NAALADL2: variants seen among roughly 807,000 people sequenced by gnomAD.
The protein encoded by NAALADL2 is inactive N-acetylated-alpha-linked acidic dipeptidase-like protein 2.
Under a neutral mutation model 87.2 loss-of-function variants are expected in NAALADL2, and 76 were observed. The observed-to-expected ratio is 0.87, with a 90% CI of 0.72 to 1.05. The LOEUF is 1.05. Among genes scored for constraint, NAALADL2 ranks in the 50% least tolerant of loss-of-function variants. The probability of loss-of-function intolerance (pLI) is 0.00; values close to 1 mark genes in which losing one functional copy is unlikely to be tolerated. For missense variants in NAALADL2, 1,089 were observed against 945.8 expected (o/e 1.15, Z -1.99); for synonymous variants, 354 against 331.0 (o/e 1.07, Z -0.75).
intron 1 of NAALADL2, among the ~76,000 whole-genome samples, chr3:174,505,721 A>G (rs1336027483): frequency 6.6e-6 from 1 of 152,222 alleles, no homozygotes; most frequent in Non-Finnish European, 1.5e-5. Flanking sequence ...TTAAAAAATC[A>G]TCATAGATTG....
At chr3:174,456,411 CAAAAAAAAAAAA>C (rs59833697) in intron 1 of NAALADL2, among the ~76,000 whole-genome samples, 1 of 56,396 alleles carries the variant, frequency 1.8e-5, no homozygotes, top group Non-Finnish European at 3.3e-5. Flanking sequence ...CAATCCTAAG[CAAAAAAAAAAAA>C]AAAAAAAAAA....
chr3:175,215,099 A>G (rs372164401), intron 2 of NAALADL2, among the ~76,000 whole-genome samples: 2 of 152,116 alleles, frequency 1.3e-5, no homozygotes, highest in African/African-American at 4.8e-5. Flanking sequence ...TAAAATCACC[A>G]TAACAACTTC....
intron 13 of NAALADL2, among the ~76,000 whole-genome samples, chr3:175,786,169 A>AT (rs1427580037): frequency 6.6e-6 from 1 of 151,544 alleles, no homozygotes; most frequent in Non-Finnish European, 1.5e-5. Context: ...GAATCTGACA[A>AT]TTATGTGTCT....
At chr3:175,414,655 T>A (rs1324959268) in intron 5 of NAALADL2, among the ~76,000 whole-genome samples, 1 of 152,214 alleles carries the variant, frequency 6.6e-6, no homozygotes, top group Non-Finnish European at 1.5e-5. Context: ...ATTCAAAAAG[T>A]GACTTTGAAA....
At chr3:174,621,522 T>G (rs1396557760) in intron 2 of NAALADL2, among the ~76,000 whole-genome samples, 2 of 152,078 alleles carry the variant, frequency 1.3e-5, no homozygotes, top group East Asian at 3.9e-4. Context: ...ATACATGAAA[T>G]AAATGATGAC....
At chr3:175,055,792 A>C (rs1285434203) in intron 1 of NAALADL2, among the ~76,000 whole-genome samples, 1 of 152,146 alleles carries the variant, frequency 6.6e-6, no homozygotes, top group Non-Finnish European at 1.5e-5. Flanking sequence ...CAGTTAAAAC[A>C]AGCTCCAGGA....
chr3:175,769,871 T>C (rs1323479673), intron 13 of NAALADL2, among the ~76,000 whole-genome samples: 1 of 152,306 alleles, frequency 6.6e-6, no homozygotes, highest in African/African-American at 2.4e-5. Flanking sequence ...TGTTATAGTC[T>C]TGACTCCAAT....
chr3:174,590,300 T>C (rs1717221881), intron 2 of NAALADL2, among the ~76,000 whole-genome samples: 1 of 152,136 alleles, frequency 6.6e-6, no homozygotes, highest in Non-Finnish European at 1.5e-5. Flanking sequence ...CATATAGAAG[T>C]ACATAGCTAT....
intron 13 of NAALADL2, among the ~76,000 whole-genome samples, chr3:175,772,591 GAC>G (rs1749649151): frequency 1.3e-5 from 2 of 152,092 alleles, no homozygotes; most frequent in Non-Finnish European, 2.9e-5. Flanking sequence ...ACTCATCAGA[GAC>G]ACCAGCGCGA....
At chr3:174,889,631 T>A (rs1560328741) in intron 1 of NAALADL2, among the ~76,000 whole-genome samples, 2 of 149,496 alleles carry the variant, frequency 1.3e-5, no homozygotes, top group African/African-American at 4.9e-5. Context: ...TATCGTATAA[T>A]CCAAGCACTA....
intron 1 of NAALADL2, among the ~76,000 whole-genome samples, chr3:174,903,912 T>C (rs1036285824): frequency 7.9e-5 from 12 of 151,798 alleles, no homozygotes; most frequent in African/African-American, 2.4e-4. Flanking sequence ...TAAAATCCTT[T>C]CTGGCTCTGG....
intron 11 of NAALADL2, among the ~76,000 whole-genome samples, chr3:175,674,068 G>A (rs1299945404): frequency 6.6e-6 from 1 of 151,974 alleles, no homozygotes; most frequent in African/African-American, 2.4e-5. Context: ...TTTTTGCTGT[G>A]TTCCAATTTG....
At chr3:175,039,073 A>C (rs1001199243) in intron 1 of NAALADL2, among the ~76,000 whole-genome samples, 2 of 152,186 alleles carry the variant, frequency 1.3e-5, no homozygotes, top group African/African-American at 4.8e-5. Flanking sequence ...GACCAAATAT[A>C]ATAATGAATA....
chr3:175,278,413 G>A (rs552601281), intron 4 of NAALADL2, among the ~76,000 whole-genome samples: 88 of 152,016 alleles, frequency 5.8e-4, no homozygotes, highest in Non-Finnish European at 1.1e-3. Context: ...CTTCCTATTT[G>A]TTCACTGAGT....
At chr3:175,795,270 C>T (rs60845645) in intron 13 of NAALADL2, among the ~76,000 whole-genome samples, 4,870 of 152,224 alleles carry the variant, frequency 0.032, 267 homozygotes, top group African/African-American at 0.11. Context: ...TTTAATAAAT[C>T]AGTACAGATA....
At chr3:174,558,816 C>T (rs1417520615) in intron 2 of NAALADL2, among the ~76,000 whole-genome samples, 1 of 152,142 alleles carries the variant, frequency 6.6e-6, no homozygotes, top group Non-Finnish European at 1.5e-5. Flanking sequence ...GTTTATCAAA[C>T]ATTTTGCCAA....
intron 9 of NAALADL2, among the ~76,000 whole-genome samples, chr3:175,540,565 T>C (rs1246589047): frequency 6.6e-6 from 1 of 152,074 alleles, no homozygotes; most frequent in Non-Finnish European, 1.5e-5. Flanking sequence ...CATTGGTTGC[T>C]GGGTGAGGCT....
At chr3:174,956,589 A>G (rs979939381) in intron 1 of NAALADL2, among the ~76,000 whole-genome samples, 3 of 152,108 alleles carry the variant, frequency 2.0e-5, no homozygotes, top group Admixed American at 6.6e-5. Flanking sequence ...TGCCACATAT[A>G]AGTACTCAAT....
Position 175,806,502 on chromosome 3 carries a change from A to G in NAALADL2, c.*3299A>G, listed in dbSNP as rs1754714319. 2 of 151,880 alleles carry G rather than the reference A, an allele frequency of 1.3e-5. No individual in the cohort carries two copies. The highest frequency in any genetic ancestry group is 4.8e-5 in the African/African-American group (2 of 41,400). 9.4% of individuals were successfully genotyped at this position (151,880 alleles called of 1,614,324 possible). On this transcript the variant is annotated 3_prime_UTR_variant, in exon 14 of 14. Coordinates refer to ENST00000454872, the MANE Select transcript of NAALADL2 (RefSeq NM_207015.3). ...TAATCGTAGTTTCCAAGAAAACACT[A>G]ATTGACATTTCTAAATAAATTGAAG...
Sources: gnomAD v4.1 joint callset for allele counts (sites outside exome capture counted in the v4.1 genomes callset) on GRCh38, gnomAD v4.1.1 for gene constraint, MANE v1.5 for transcripts, NCBI Gene and HGNC (gene_info 2026-07-23, HGNC 2026-07-21) for gene names.